Variants in TMCO5A observed in about 807,000 individuals in gnomAD.
TMCO5A encodes transmembrane and coiled-coil domains 5A, also known as transmembrane and coiled-coil domain-containing protein 5A.
TMCO5A carries 34 observed loss-of-function variants against 42.3 expected under a neutral mutation model. That is an observed-to-expected ratio of 0.80 (90% CI 0.61 to 1.07). TMCO5A has a LOEUF of 1.07. Among genes scored for constraint, TMCO5A ranks in the 50% least tolerant of loss-of-function variants. TMCO5A has a pLI of 0.00. For synonymous variants in TMCO5A, 131 were observed against 115.6 expected, an observed-to-expected ratio of 1.13 and a Z score of -0.86; for missense variants, 357 against 327.9, an observed-to-expected ratio of 1.09 and a Z score of -0.69.
chr15:38,008,963 T>C, the TMCO5A span, among the ~76,000 whole-genome samples: 137 of 152,288 alleles, frequency 9.0e-4, 2 homozygotes, highest in Middle Eastern at 3.4e-3. Context: ...ATTACTTTCC[T>C]AAATTTAGAA....
At position 37,941,218 on chromosome 15, in the gene TMCO5A, A is replaced by T. The variant is rs1464190639; in HGVS notation, c.444+13A>T. ...GGAGCTGCTCAAGGTAACAGCAGGAACTTCAATGTGACTTCTCCCCAAAAA... is the reference window on the plus strand; with the variant it reads ...GGAGCTGCTCAAGGTAACAGCAGGATCTTCAATGTGACTTCTCCCCAAAAA... On this transcript the variant is annotated intron_variant, in intron 7 of 11. Transcript: ENST00000319669. 2 of 1,612,392 alleles carry T rather than the reference A, an allele frequency of 1.2e-6. No individual in the cohort carries two copies. The highest frequency in any genetic ancestry group is 2.2e-5 in the East Asian group (1 of 44,734).
At chr15:37,966,854 C>T (rs929083518) in exon 12 of TMCO5A, 9 of 602,038 alleles carry the variant, frequency 1.5e-5, no homozygotes, top group Non-Finnish European at 2.7e-5. Flanking sequence ...ATGTTCAGCC[C>T]CTTACTAAGG....
the TMCO5A span, among the ~76,000 whole-genome samples, chr15:38,003,441 G>A: frequency 6.6e-6 from 1 of 152,082 alleles, no homozygotes. Flanking sequence ...ACCAGCAGGT[G>A]GTAAATCTAG....
chr15:37,991,296 A>T, the TMCO5A span, among the ~76,000 whole-genome samples: 3 of 152,076 alleles, frequency 2.0e-5, no homozygotes, highest in Non-Finnish European at 2.9e-5. Flanking sequence ...CTTGTGGGAC[A>T]TGTCTAGTGG....
At chr15:38,033,030 C>G in the TMCO5A span, among the ~76,000 whole-genome samples, 2 of 151,812 alleles carry the variant, frequency 1.3e-5, no homozygotes, top group Non-Finnish European at 2.9e-5. Context: ...CGGGTTCACG[C>G]CATTCTCCTG....
At chr15:37,979,055 C>A in the TMCO5A span, among the ~76,000 whole-genome samples, 2 of 151,746 alleles carry the variant, frequency 1.3e-5, no homozygotes, top group Non-Finnish European at 2.9e-5. Flanking sequence ...CAGGCCCCAC[C>A]TCCCCATGAT....
chr15:37,978,503 T>C, the TMCO5A span, among the ~76,000 whole-genome samples: 5 of 152,098 alleles, frequency 3.3e-5, no homozygotes, highest in South Asian at 1.0e-3. Context: ...AGAGTCTGAG[T>C]TCCTCTCCAT....
At chr15:37,937,426 C>A (rs769167822) in intron 5 of TMCO5A, 30 bp downstream of exon 5, 13 of 1,611,086 alleles carry the variant, frequency 8.1e-6, no homozygotes, top group African/African-American at 4.0e-5. Flanking sequence ...TTCTCCAGTG[C>A]CCCCACAACA....
chr15:38,007,133 G>A, the TMCO5A span, among the ~76,000 whole-genome samples: 3 of 152,088 alleles, frequency 2.0e-5, no homozygotes, highest in Non-Finnish European at 2.9e-5. Flanking sequence ...TATATACAAA[G>A]ACAGCAGGCT....
intron 11 of TMCO5A, among the ~76,000 whole-genome samples, chr15:37,961,640 C>T (rs530257018): frequency 5.9e-5 from 9 of 152,110 alleles, no homozygotes; most frequent in African/African-American, 2.2e-4. Flanking sequence ...ATGTCATTTT[C>T]ACAATATTGA....
At chr15:37,993,071 A>G in the TMCO5A span, among the ~76,000 whole-genome samples, 1 of 152,120 alleles carries the variant, frequency 6.6e-6, no homozygotes, top group African/African-American at 2.4e-5. Context: ...ATTTCTTTTT[A>G]GTTTATTTTT....
chr15:38,039,399 A>T, the TMCO5A span, among the ~76,000 whole-genome samples: 1 of 152,228 alleles, frequency 6.6e-6, no homozygotes, highest in Non-Finnish European at 1.5e-5. Flanking sequence ...GCATGGCCTC[A>T]ATTTCATGCA....
the TMCO5A span, chr15:38,004,749 T>A: frequency 6.6e-6 from 1 of 152,202 alleles, no homozygotes; most frequent in Non-Finnish European, 1.5e-5. Context: ...CCAAATGGGT[T>A]AAGGGAGAAG....
the TMCO5A span, among the ~76,000 whole-genome samples, chr15:38,019,362 AT>A: frequency 6.6e-6 from 1 of 152,220 alleles, no homozygotes; most frequent in Non-Finnish European, 1.5e-5. Context: ...GCTAACTAGA[AT>A]ATTTATTTTG....
At chr15:37,975,876 A>G in the TMCO5A span, among the ~76,000 whole-genome samples, 275 of 151,050 alleles carry the variant, frequency 1.8e-3, 18 homozygotes, top group African/African-American at 6.5e-3. Flanking sequence ...TTTCCTTTCC[A>G]TATTTAGCAC....
chr15:38,025,746 T>A, the TMCO5A span, among the ~76,000 whole-genome samples: 1 of 152,108 alleles, frequency 6.6e-6, no homozygotes, highest in Non-Finnish European at 1.5e-5. Flanking sequence ...CATGTCCCCA[T>A]CCCAATCTCA....
the TMCO5A span, among the ~76,000 whole-genome samples, chr15:37,983,604 A>C: frequency 6.6e-6 from 1 of 152,184 alleles, no homozygotes; most frequent in Admixed American, 6.5e-5. Flanking sequence ...ATTGGCAAGA[A>C]ATTTAGAGAT....
At chr15:37,980,359 G>T in the TMCO5A span, among the ~76,000 whole-genome samples, 3 of 152,214 alleles carry the variant, frequency 2.0e-5, no homozygotes, top group African/African-American at 4.8e-5. Flanking sequence ...GTGTGCCTGA[G>T]TGGTGGCTCT....
chr15:37,973,518 T>C, the TMCO5A span, among the ~76,000 whole-genome samples: 1 of 152,170 alleles, frequency 6.6e-6, no homozygotes, highest in Non-Finnish European at 1.5e-5. Context: ...TTCCCAGTGA[T>C]TTTATTCCTT....
Sources: gnomAD v4.1 joint callset for allele counts (sites outside exome capture counted in the v4.1 genomes callset) on GRCh38, gnomAD v4.1.1 for gene constraint, MANE v1.5 for transcripts, NCBI Gene and HGNC (gene_info 2026-07-23, HGNC 2026-07-21) for gene names.